Variants in EFL1 observed in about 807,000 individuals in gnomAD.
EFL1 encodes the protein elongation factor-like GTPase 1.
EFL1 carries 76 observed loss-of-function variants against 126.7 expected under a neutral mutation model. That is an observed-to-expected ratio of 0.60 (90% CI 0.50 to 0.73). The LOEUF is 0.73. Among genes scored for constraint, EFL1 ranks in the 30% least tolerant of loss-of-function variants. The pLI is 0.00. For missense variants in EFL1, 1,128 were observed against 1,343.2 expected, an observed-to-expected ratio of 0.84 and a Z score of 2.50; for synonymous variants, 410 against 448.4, an observed-to-expected ratio of 0.91 and a Z score of 1.08.
At chr15:82,186,033 A>T (rs1254302079) in intron 15 of EFL1, among the ~76,000 whole-genome samples, 1 of 152,132 alleles carries the variant, frequency 6.6e-6, no homozygotes, top group Non-Finnish European at 1.5e-5. Flanking sequence ...TTTGTTGTAT[A>T]AAATTTAATT....
At chr15:82,142,383 G>C in intron 18 of EFL1, among the ~76,000 whole-genome samples, 1 of 151,996 alleles carries the variant, frequency 6.6e-6, no homozygotes, top group South Asian at 2.1e-4. Flanking sequence ...CTAGCTACTT[G>C]GGGGACTAAG....
At chr15:82,157,614 A>G (rs1470196597) in intron 17 of EFL1, 99 bp downstream of exon 17, 8 of 1,376,826 alleles carry the variant, frequency 5.8e-6, no homozygotes, top group Non-Finnish European at 7.7e-6. Context: ...TTTTTCTCCA[A>G]AAATAAGCCG....
intron 18 of EFL1, among the ~76,000 whole-genome samples, chr15:82,146,190 T>C (rs1297067614): frequency 3.9e-5 from 6 of 152,188 alleles, no homozygotes; most frequent in African/African-American, 9.6e-5. Flanking sequence ...TTTGACCATA[T>C]GCAAGTCTAT....
chr15:82,201,775 G>C (rs1224128980), intron 15 of EFL1, among the ~76,000 whole-genome samples: 1 of 147,294 alleles, frequency 6.8e-6, no homozygotes, highest in East Asian at 2.0e-4. Flanking sequence ...TTGTTGAACA[G>C]GCATATGGCT....
At chr15:82,194,198 C>G (rs1046722509) in intron 15 of EFL1, among the ~76,000 whole-genome samples, 8 of 152,130 alleles carry the variant, frequency 5.3e-5, no homozygotes, top group African/African-American at 1.7e-4. Context: ...AATCCCAGTT[C>G]CTTTATCGGG....
chr15:82,257,906 A>G (rs188869931), intron 3 of EFL1, among the ~76,000 whole-genome samples: 19 of 152,274 alleles, frequency 1.2e-4, no homozygotes, highest in African/African-American at 3.6e-4. Flanking sequence ...TCATCTACTT[A>G]CTTCAGTTTT....
At chr15:82,259,553 G>C (rs1228582423) in intron 2 of EFL1, among the ~76,000 whole-genome samples, 1 of 152,146 alleles carries the variant, frequency 6.6e-6, no homozygotes. Context: ...TTGTAATATA[G>C]CATGTGGAGG....
At chr15:82,261,881 G>T (rs2075124683) in intron 1 of EFL1, 84 bp from the exon 2 acceptor site, 5 of 1,059,562 alleles carry the variant, frequency 4.7e-6, no homozygotes, top group South Asian at 1.6e-5. Flanking sequence ...GCTGGGAGGT[G>T]GCAAGCTTCT....
At chr15:82,146,601 T>G (rs1168576065) in intron 18 of EFL1, among the ~76,000 whole-genome samples, 1 of 100,392 alleles carries the variant, frequency 1.0e-5, no homozygotes, top group Admixed American at 1.3e-4. Context: ...GGACTTCAAA[T>G]CAATTCGAGA....
At chr15:82,161,529 C>G (rs1312079808) in intron 16 of EFL1, among the ~76,000 whole-genome samples, 2 of 152,004 alleles carry the variant, frequency 1.3e-5, no homozygotes, top group Non-Finnish European at 1.5e-5. Context: ...ACTGAAAAAT[C>G]AAATGGGGTG....
intron 4 of EFL1, among the ~76,000 whole-genome samples, chr15:82,248,907 C>T (rs1221415675): frequency 2.7e-5 from 4 of 150,906 alleles, no homozygotes; most frequent in Non-Finnish European, 5.9e-5. Flanking sequence ...GGTGTCAACA[C>T]CATGTCAGGA....
At chr15:82,251,519 A>G (rs1254150931) in intron 4 of EFL1, among the ~76,000 whole-genome samples, 1 of 152,232 alleles carries the variant, frequency 6.6e-6, no homozygotes, top group Admixed American at 6.5e-5. Flanking sequence ...TAATCTGAGT[A>G]AGGAAGAAGG....
chr15:82,188,181 C>T (rs1190499580), intron 15 of EFL1, among the ~76,000 whole-genome samples: 2 of 152,028 alleles, frequency 1.3e-5, no homozygotes, highest in Non-Finnish European at 2.9e-5. Context: ...CTTTTATTTT[C>T]AAACTTTGAA....
chr15:82,241,190 G>C, intron 5 of EFL1, 80 bp downstream of exon 5: 1 of 1,527,256 alleles, frequency 6.5e-7, no homozygotes, highest in Non-Finnish European at 8.9e-7. Context: ...GTGATTGTCA[G>C]TGAAATGCCT....
chr15:82,206,063 A>T (rs572367856), intron 15 of EFL1, among the ~76,000 whole-genome samples: 2 of 152,350 alleles, frequency 1.3e-5, no homozygotes, highest in East Asian at 3.9e-4. Context: ...TCACATCTGT[A>T]AAAGGCAACT....
At position 82,252,289 on chromosome 15, in the gene EFL1, A is replaced by T. The variant is rs141316988; in HGVS notation, c.244+402T>A. Among the ~76,000 whole-genome samples, 1,007 of 152,332 alleles carry T rather than the reference A, an allele frequency of 6.6e-3. 10 individuals carry two copies. The highest frequency in any genetic ancestry group is 0.023 in the African/African-American group (942 of 41,552). ...TAAATTCCTAGAAGTGTTACTATCA[A>T]TGTAGCATCCTCATTTGAGGACAGC... is the stretch of plus-strand genomic sequence containing the variant. On this transcript the variant is annotated intron_variant, in intron 4 of 19. Coordinates refer to ENST00000268206, the MANE Select transcript of EFL1 (RefSeq NM_024580.6).
intron 15 of EFL1, among the ~76,000 whole-genome samples, chr15:82,194,512 G>A (rs758206772): frequency 1.3e-5 from 2 of 152,156 alleles, no homozygotes; most frequent in Non-Finnish European, 2.9e-5. Flanking sequence ...TCCAAAACAT[G>A]AGAATTTAAA....
chr15:82,250,748 T>C (rs2075013584), intron 4 of EFL1, among the ~76,000 whole-genome samples: 1 of 152,254 alleles, frequency 6.6e-6, no homozygotes, highest in South Asian at 2.1e-4. Flanking sequence ...AGAGCTATCT[T>C]GGATCCAGAA....
chr15:82,163,106 G>A (rs1595952279), intron 16 of EFL1, among the ~76,000 whole-genome samples: 3 of 152,360 alleles, frequency 2.0e-5, no homozygotes, highest in Admixed American at 1.3e-4. Context: ...TGGCCAGCAG[G>A]AAAGGTGCAG....
Sources: allele counts gnomAD v4.1 joint callset (sites outside exome capture counted in the v4.1 genomes callset), GRCh38; gene constraint gnomAD v4.1.1; transcripts MANE v1.5; gene names NCBI Gene and HGNC (gene_info 2026-07-23, HGNC 2026-07-21).